GNG12: variants seen among roughly 807,000 people sequenced by gnomAD.
GNG12 encodes the protein G protein subunit gamma 12.
For synonymous variants in GNG12, 28 were observed against 29.7 expected (o/e 0.94, Z 0.19); for missense variants, 69 against 83.8 (o/e 0.82, Z 0.69).
At chr1:67,787,070 T>TGTGTG (rs1491226955) in intron 1 of GNG12, among the ~76,000 whole-genome samples, 88 of 139,660 alleles carry the variant, frequency 6.3e-4, no homozygotes, top group African/African-American at 2.4e-3. Flanking sequence ...TGTGTGTGTG[T>TGTGTG]ATAGTCCCCC....
chr1:67,709,815 T>C (rs955407345), intron 2 of GNG12, among the ~76,000 whole-genome samples: 1 of 133,108 alleles, frequency 7.5e-6, no homozygotes, highest in Non-Finnish European at 1.5e-5. Context: ...GTTGCAGATA[T>C]ATATATATAT....
chr1:67,833,166 C>CGCCCTCCAGCAGGACACTCT (rs1553161614), intron 1 of GNG12, among the ~76,000 whole-genome samples, 178 bp downstream of exon 1: 2 of 151,900 alleles, frequency 1.3e-5, no homozygotes, highest in African/African-American at 4.8e-5. Context: ...GACCAGTCCC[C>CGCCCTCCAGCAGGACACTCT]GCCCTCCAGC....
At chr1:67,763,353 T>C (rs946548308) in intron 2 of GNG12, among the ~76,000 whole-genome samples, 1 of 152,206 alleles carries the variant, frequency 6.6e-6, no homozygotes, top group African/African-American at 2.4e-5. Context: ...GTCTCTTTAG[T>C]CTTCTTGACT....
intron 1 of GNG12, among the ~76,000 whole-genome samples, chr1:67,796,487 G>GTA: frequency 6.6e-6 from 1 of 152,132 alleles, no homozygotes; most frequent in East Asian, 1.9e-4. Context: ...TACATACTAG[G>GTA]TATGTCTGTA....
At chr1:67,714,709 T>C (rs1331978773) in intron 2 of GNG12, among the ~76,000 whole-genome samples, 1 of 152,154 alleles carries the variant, frequency 6.6e-6, no homozygotes, top group African/African-American at 2.4e-5. Flanking sequence ...ATGGGCTGAA[T>C]TGTGTCCCCC....
chr1:67,787,722 A>T (rs1646779010), intron 1 of GNG12, among the ~76,000 whole-genome samples: 1 of 152,224 alleles, frequency 6.6e-6, no homozygotes, highest in African/African-American at 2.4e-5. Context: ...CCCAACAGAA[A>T]GGAAGAGTGA....
rs1019387749 is a variant in GNG12, at chr1:67,721,116, G to A, written c.-26-13404C>T. ...GCTTCTGAGCCTGCAGAGAGGAAGT[G>A]GGAATGATCAGGGAAGCAGAAGAAA... is the stretch of plus-strand genomic sequence containing the variant. On this transcript the variant is annotated intron_variant, in intron 2 of 3. Transcript: ENST00000370982. Among the ~76,000 whole-genome samples, 3 of 152,270 alleles carry A rather than the reference G, an allele frequency of 2.0e-5. No homozygotes were observed. In the South Asian group the frequency reaches 6.2e-4, roughly 32 times the overall value.
intron 2 of GNG12, among the ~76,000 whole-genome samples, chr1:67,766,421 T>TC (rs562989023): frequency 3.9e-4 from 59 of 152,220 alleles, no homozygotes; most frequent in Middle Eastern, 6.8e-3. Flanking sequence ...ACATTTCACT[T>TC]CGGCTGATGA....
intron 2 of GNG12, among the ~76,000 whole-genome samples, chr1:67,770,316 C>T (rs1646666610): frequency 6.6e-6 from 1 of 152,126 alleles, no homozygotes; most frequent in African/African-American, 2.4e-5. Context: ...TTCTCCAGCC[C>T]AGAGAAAAGG....
chr1:67,795,939 A>G (rs1646828712), intron 1 of GNG12, among the ~76,000 whole-genome samples: 1 of 152,234 alleles, frequency 6.6e-6, no homozygotes. Flanking sequence ...GTGAAGCTGA[A>G]CTCACAAGAA....
At chr1:67,766,098 G>GCACACACACACACACACACA (rs1278948416) in intron 2 of GNG12, among the ~76,000 whole-genome samples, 3 of 100,812 alleles carry the variant, frequency 3.0e-5, no homozygotes, top group African/African-American at 1.4e-4. Context: ...ACAAAACAAG[G>GCACACACACACACACACACA]CACACACGCA....
intron 2 of GNG12, among the ~76,000 whole-genome samples, chr1:67,770,858 G>A (rs1173753896): frequency 6.6e-6 from 1 of 152,196 alleles, no homozygotes; most frequent in Non-Finnish European, 1.5e-5. Flanking sequence ...GCCACTGGAG[G>A]GGGAAGTGGC....
intron 2 of GNG12, among the ~76,000 whole-genome samples, chr1:67,768,532 A>G (rs1646654551): frequency 6.6e-6 from 1 of 152,242 alleles, no homozygotes; most frequent in African/African-American, 2.4e-5. Context: ...AGAAATCATC[A>G]TAATAGTTAA....
At chr1:67,786,935 A>ATATATATGTGTGTG (rs1332684243) in intron 1 of GNG12, among the ~76,000 whole-genome samples, 1 of 133,410 alleles carries the variant, frequency 7.5e-6, no homozygotes, top group African/African-American at 3.0e-5. Context: ...TTATATATAT[A>ATATATATGTGTGTG]TGTGTGTGTG....
At chr1:67,785,086 A>T (rs912429325) in intron 1 of GNG12, among the ~76,000 whole-genome samples, 36 of 150,944 alleles carry the variant, frequency 2.4e-4, no homozygotes, top group African/African-American at 8.5e-4. Flanking sequence ...GAAGCTTGCA[A>T]GGTAAAAGTG....
intron 2 of GNG12, among the ~76,000 whole-genome samples, chr1:67,718,959 T>C (rs1646342161): frequency 6.6e-6 from 1 of 152,232 alleles, no homozygotes; most frequent in African/African-American, 2.4e-5. Flanking sequence ...CAAATGGCCC[T>C]GTGAGGTAAG....
intron 1 of GNG12, among the ~76,000 whole-genome samples, chr1:67,778,624 T>C (rs1646719898): frequency 6.6e-6 from 1 of 152,118 alleles, no homozygotes. Flanking sequence ...ACAATAACTT[T>C]ACGAGGTAAA....
chr1:67,720,284 G>A (rs1227323582), intron 2 of GNG12, among the ~76,000 whole-genome samples: 1 of 152,194 alleles, frequency 6.6e-6, no homozygotes, highest in Non-Finnish European at 1.5e-5. Context: ...GGTGAAGGCG[G>A]GCCCATGGGG....
At chr1:67,786,279 C>A (rs2100776299) in intron 1 of GNG12, among the ~76,000 whole-genome samples, 1 of 152,276 alleles carries the variant, frequency 6.6e-6, no homozygotes, top group African/African-American at 2.4e-5. Context: ...TGTGTCTCCC[C>A]ACTGATATTT....
Sources: gnomAD v4.1 joint callset for allele counts (sites outside exome capture counted in the v4.1 genomes callset) on GRCh38, gnomAD v4.1.1 for gene constraint, MANE v1.5 for transcripts, NCBI Gene and HGNC (gene_info 2026-07-23, HGNC 2026-07-21) for gene names.